The following NAALADL2 variants were observed in gnomAD, a reference collection of about 807,000 sequenced individuals.
NAALADL2 encodes inactive N-acetylated-alpha-linked acidic dipeptidase-like protein 2.
Under a neutral mutation model 87.2 loss-of-function variants are expected in NAALADL2, and 76 were observed. That is an observed-to-expected ratio of 0.87 (90% CI 0.72 to 1.05). The LOEUF is 1.05. NAALADL2 is among the 50% of genes least tolerant of loss of function. NAALADL2 has a pLI of 0.00. For missense variants in NAALADL2, 1,089 were observed against 945.8 expected, an observed-to-expected ratio of 1.15 and a Z score of -1.99; for synonymous variants, 354 against 331.0, an observed-to-expected ratio of 1.07 and a Z score of -0.75.
At chr3:175,718,194 G>GTTTTT in intron 11 of NAALADL2, 3 of 1,034,890 alleles carry the variant, frequency 2.9e-6, no homozygotes, top group African/African-American at 4.2e-5. Flanking sequence ...AAGGGCCTGT[G>GTTTTT]GTTTTTTTTT....
chr3:175,030,551 T>C (rs530110324), intron 1 of NAALADL2, among the ~76,000 whole-genome samples: 6 of 152,172 alleles, frequency 3.9e-5, no homozygotes, highest in Non-Finnish European at 8.8e-5. Flanking sequence ...GATAGGATTT[T>C]AGTTTCTACA....
At chr3:174,798,907 C>T (rs898443915) in intron 3 of NAALADL2, among the ~76,000 whole-genome samples, 46 of 152,140 alleles carry the variant, frequency 3.0e-4, no homozygotes, top group African/African-American at 9.9e-4. Context: ...TGGTGGCTCA[C>T]GCCTGTAATC....
chr3:174,740,409 C>T (rs762837148), intron 3 of NAALADL2, among the ~76,000 whole-genome samples: 1 of 151,876 alleles, frequency 6.6e-6, no homozygotes, highest in Non-Finnish European at 1.5e-5. Flanking sequence ...AACATAAATT[C>T]ACCTTTAGCA....
chr3:174,446,465 T>C (rs927178577), intron 1 of NAALADL2, among the ~76,000 whole-genome samples: 35 of 152,220 alleles, frequency 2.3e-4, no homozygotes, highest in African/African-American at 8.0e-4. Flanking sequence ...TCAAACCTTA[T>C]ACTTTGCATA....
chr3:175,193,907 G>C (rs1738585033), intron 2 of NAALADL2, among the ~76,000 whole-genome samples: 1 of 148,950 alleles, frequency 6.7e-6, no homozygotes, highest in Admixed American at 6.8e-5. Flanking sequence ...AACTTAATGT[G>C]ACTAAACATA....
chr3:175,140,057 T>A (rs1729760499), intron 2 of NAALADL2, among the ~76,000 whole-genome samples: 1 of 152,146 alleles, frequency 6.6e-6, no homozygotes, highest in Non-Finnish European at 1.5e-5. Context: ...ACAAAGGGAT[T>A]TAAATTCAGT....
At chr3:175,372,250 C>G (rs1181838451) in intron 5 of NAALADL2, among the ~76,000 whole-genome samples, 2 of 152,144 alleles carry the variant, frequency 1.3e-5, no homozygotes, top group Admixed American at 1.3e-4. Flanking sequence ...TTTCATCATA[C>G]TGACCTAATA....
chr3:175,577,410 C>A (rs1279787458), intron 10 of NAALADL2, among the ~76,000 whole-genome samples: 1 of 152,104 alleles, frequency 6.6e-6, no homozygotes. Flanking sequence ...AGGAACACAT[C>A]AGTAGAAGGG....
intron 9 of NAALADL2, among the ~76,000 whole-genome samples, chr3:175,483,802 G>A (rs909356497): frequency 5.3e-5 from 8 of 152,114 alleles, no homozygotes; most frequent in Admixed American, 5.3e-4. Context: ...GGGAAAATAA[G>A]TATTAGTTTG....
intron 3 of NAALADL2, among the ~76,000 whole-genome samples, chr3:174,766,782 A>G (rs988654958): frequency 4.6e-5 from 7 of 152,218 alleles, no homozygotes; most frequent in African/African-American, 1.4e-4. Flanking sequence ...TAGTTGGCAC[A>G]TATCAGGGAA....
chr3:175,592,630 A>C (rs901503311), intron 10 of NAALADL2, among the ~76,000 whole-genome samples: 6 of 151,540 alleles, frequency 4.0e-5, no homozygotes, highest in Non-Finnish European at 5.9e-5. Flanking sequence ...TCAGTAAACT[A>C]TAGCAAGAAC....
At chr3:175,167,598 C>T (rs1386075070) in intron 2 of NAALADL2, among the ~76,000 whole-genome samples, 1 of 151,994 alleles carries the variant, frequency 6.6e-6, no homozygotes, top group Non-Finnish European at 1.5e-5. Context: ...AGCAAAATGG[C>T]AATAGATTCA....
At chr3:174,532,334 G>A (rs892224037) in intron 1 of NAALADL2, among the ~76,000 whole-genome samples, 3 of 152,102 alleles carry the variant, frequency 2.0e-5, no homozygotes, top group Non-Finnish European at 4.4e-5. Context: ...ATAAGGAGAT[G>A]ATGCCAAACC....
At chr3:174,601,637 C>A (rs1424145965) in intron 2 of NAALADL2, among the ~76,000 whole-genome samples, 1 of 152,038 alleles carries the variant, frequency 6.6e-6, no homozygotes, top group Non-Finnish European at 1.5e-5. Context: ...TATGCAGAAG[C>A]TTTTTAACTT....
intron 10 of NAALADL2, among the ~76,000 whole-genome samples, chr3:175,585,903 T>G (rs1274745525): frequency 6.6e-6 from 1 of 152,234 alleles, no homozygotes; most frequent in Non-Finnish European, 1.5e-5. Context: ...GTTCATGTCT[T>G]CTAATTTCCA....
chr3:174,832,540 C>T (rs1219175046), intron 3 of NAALADL2, among the ~76,000 whole-genome samples: 1 of 152,118 alleles, frequency 6.6e-6, no homozygotes, highest in Non-Finnish European at 1.5e-5. Context: ...CAGCTCACTG[C>T]AAGCTCTGCC....
At chr3:175,426,704 A>T (rs1166909182) in intron 5 of NAALADL2, among the ~76,000 whole-genome samples, 1 of 100,148 alleles carries the variant, frequency 1.0e-5, no homozygotes, top group Non-Finnish European at 2.3e-5. Context: ...CAAAAATTCT[A>T]ATATAATAAA....
chr3:175,338,259 C>A (rs563657196), intron 5 of NAALADL2, among the ~76,000 whole-genome samples: 2 of 151,946 alleles, frequency 1.3e-5, no homozygotes, highest in South Asian at 4.1e-4. Context: ...AAAATCCATG[C>A]GATGGGAAGA....
chr3:174,667,726 G>A (rs1726107683), intron 2 of NAALADL2, among the ~76,000 whole-genome samples: 1 of 151,768 alleles, frequency 6.6e-6, no homozygotes, highest in South Asian at 2.1e-4. Context: ...ATAATTAGGT[G>A]AACTTGTCCT....
Sources: gnomAD v4.1 joint callset for allele counts (sites outside exome capture counted in the v4.1 genomes callset) on GRCh38, gnomAD v4.1.1 for gene constraint, MANE v1.5 for transcripts, NCBI Gene and HGNC (gene_info 2026-07-23, HGNC 2026-07-21) for gene names.